Variants in LRPAP1 observed in about 807,000 individuals in gnomAD.
The protein encoded by LRPAP1 is LDL receptor related protein associated protein 1.
A neutral mutation model predicts 39.9 loss-of-function variants in LRPAP1; 41 were observed. That is an observed-to-expected ratio of 1.03 (90% CI 0.80 to 1.33). The LOEUF (loss-of-function observed/expected upper bound fraction) is 1.33, where lower values mean the gene tolerates loss of function less well. Among genes scored for constraint, LRPAP1 ranks in the 40% most tolerant of loss-of-function variants. The pLI, the probability that LRPAP1 is intolerant of heterozygous loss-of-function variation, is 0.00. For synonymous variants in LRPAP1, 263 were observed against 212.7 expected (o/e 1.24, Z -2.06); for missense variants, 565 against 482.3 (o/e 1.17, Z -1.61).
intron 2 of LRPAP1, among the ~76,000 whole-genome samples, chr4:3,524,671 C>T (rs573945659): frequency 6.6e-6 from 1 of 152,234 alleles, no homozygotes; most frequent in African/African-American, 2.4e-5. Context: ...GAGGGTTAGC[C>T]CCCCCAAACA....
In LRPAP1 at chr4:3,525,068, G is replaced by A. The variant is rs1406309510; in HGVS notation, c.205-17C>T. 5.0e-6 allele frequency: 8 copies of A among 1,613,690 alleles called. No homozygotes were observed. Among genetic ancestry groups the A allele is most frequent in the Non-Finnish European group, 6.8e-6 (8 of 1,180,028 alleles). On this transcript the variant is annotated splice_polypyrimidine_tract_variant and intron_variant, in intron 1 of 7. Transcript: ENST00000650182. ...AAGATGCAGCTGCGAACGAAGGGGA[G>A]GAGCCTGTGAGCCACGAGCAGGACG...
chr4:3,524,651 C>G (rs761879827), intron 2 of LRPAP1, among the ~76,000 whole-genome samples: 3 of 152,250 alleles, frequency 2.0e-5, no homozygotes, highest in Non-Finnish European at 4.4e-5. Context: ...GAGCAGCCAC[C>G]ATCCCTCATG....
chr4:3,507,933 A>G lies in LRPAP1; in HGVS notation c.*5041T>C, dbSNP rs1729400219. On this transcript the variant is annotated 3_prime_UTR_variant, in exon 8 of 8. Transcript: ENST00000650182. ...TGAATGATTTATGTAAATTGTTTTG[A>G]TAACTTAGATGAAATTCTGCGACAA... is the stretch of plus-strand genomic sequence containing the variant. 1 of 152,244 alleles carries G rather than the reference A, an allele frequency of 6.6e-6. No individual in the cohort carries two copies. Among genetic ancestry groups the G allele is most frequent in the Non-Finnish European group, 1.5e-5 (1 of 68,042 alleles). The allele number at this position is 152,244 out of a possible 1,614,324, so 9.4% of individuals were successfully genotyped here.
At chr4:3,530,557 G>A (rs1468643233) in intron 1 of LRPAP1, among the ~76,000 whole-genome samples, 2 of 152,242 alleles carry the variant, frequency 1.3e-5, no homozygotes, top group African/African-American at 4.8e-5. Context: ...GTGGAGGTGA[G>A]CAGCTCGCCC....
In LRPAP1 at chr4:3,518,911, G is replaced by A. The variant is rs149133766; in HGVS notation, c.552C>T (p.His184=). 416 of 1,613,648 alleles carry A rather than the reference G, an allele frequency of 2.6e-4. 2 individuals carry two copies. The African/African-American group carries it at 5.0e-3, about 19-fold the overall frequency. ...REFLHHKEKV[H]EYNVLLETLS... ...GGGTCTCCAGCAGGACGTTGTACTC[G>A]TGAACTTTCTCTTTGTGATGCAGGA... Residue 184 remains histidine (H), a synonymous_variant, in exon 4 of 8, where the codon CAC becomes CAT. Coordinates refer to ENST00000650182, the MANE Select transcript of LRPAP1 (RefSeq NM_002337.4).
intron 1 of LRPAP1, among the ~76,000 whole-genome samples, chr4:3,528,671 C>T (rs1389279384): frequency 9.2e-5 from 14 of 152,224 alleles, no homozygotes; most frequent in Admixed American, 2.6e-4. Context: ...CAGGCTGTGG[C>T]GGTGACCAAG....
At chr4:3,517,111 CTACGGCTG>C (rs1037477442) in intron 5 of LRPAP1, among the ~76,000 whole-genome samples, 1 of 73,688 alleles carries the variant, frequency 1.4e-5, no homozygotes, top group African/African-American at 4.3e-5. Context: ...GGCCAAAAGC[CTACGGCTG>C]ACAGTCACCA....
chr4:3,523,631 A>C (rs541657025), intron 2 of LRPAP1, among the ~76,000 whole-genome samples: 2 of 152,336 alleles, frequency 1.3e-5, no homozygotes, highest in South Asian at 4.1e-4. Flanking sequence ...TGAGCCTGTC[A>C]AATGGGACGA....
intron 1 of LRPAP1, among the ~76,000 whole-genome samples, chr4:3,526,521 C>T (rs182064089): frequency 1.4e-3 from 217 of 152,362 alleles, no homozygotes; most frequent in African/African-American, 4.7e-3. Context: ...AACATCCCCA[C>T]GAAGCGTCAA....
intron 6 of LRPAP1, among the ~76,000 whole-genome samples, chr4:3,515,396 C>T (rs763332520): frequency 1.6e-4 from 24 of 152,220 alleles, no homozygotes; most frequent in Non-Finnish European, 2.8e-4. Flanking sequence ...GCCCCATGCA[C>T]GTGCCTGCGG....
chr4:3,531,739 C>T (rs1357640006), intron 1 of LRPAP1, among the ~76,000 whole-genome samples: 1 of 152,266 alleles, frequency 6.6e-6, no homozygotes, highest in Non-Finnish European at 1.5e-5. Context: ...CTCACCTCCT[C>T]ATTTCTCGCT....
chr4:3,527,238 C>T (rs1310741495), intron 1 of LRPAP1, among the ~76,000 whole-genome samples: 2 of 152,118 alleles, frequency 1.3e-5, no homozygotes, highest in Non-Finnish European at 2.9e-5. Context: ...CCAGCCAGCC[C>T]CATCCACCCA....
At chr4:3,515,858 C>A (rs1729676526) in intron 6 of LRPAP1, 2 of 535,572 alleles carry the variant, frequency 3.7e-6, no homozygotes, top group Admixed American at 3.2e-5. Flanking sequence ...AGGACCCGCA[C>A]CAAGGCCACG....
intron 3 of LRPAP1, among the ~76,000 whole-genome samples, chr4:3,519,288 C>T (rs1440041878): frequency 6.6e-6 from 1 of 152,216 alleles, no homozygotes; most frequent in Non-Finnish European, 1.5e-5. Flanking sequence ...TGACCCCGGG[C>T]TTGCCTGGCT....
intron 4 of LRPAP1, 38 bp downstream of exon 4, chr4:3,518,833 T>TGGGGCAG: frequency 2.3e-6 from 2 of 863,228 alleles, no homozygotes; most frequent in Non-Finnish European, 2.9e-6. Context: ...CAGGAGGGGG[T>TGGGGCAG]GGGGCAGAGG....
intron 7 of LRPAP1, among the ~76,000 whole-genome samples, chr4:3,513,410 T>C (rs552912054): frequency 9.2e-5 from 14 of 152,256 alleles, no homozygotes; most frequent in African/African-American, 3.4e-4. Flanking sequence ...CAGGCTCAAG[T>C]GATCCTCCCA....
At chr4:3,529,093 C>T (rs888466204) in intron 1 of LRPAP1, among the ~76,000 whole-genome samples, 2 of 152,014 alleles carry the variant, frequency 1.3e-5, no homozygotes. Context: ...GAGGCAGAGG[C>T]GGGAGGATCA....
At chr4:3,519,977 C>T (rs1173519807) in intron 3 of LRPAP1, 95 bp downstream of exon 3, 3 of 1,470,790 alleles carry the variant, frequency 2.0e-6, no homozygotes, top group East Asian at 2.3e-5. Flanking sequence ...AACCCCGGCT[C>T]CCATGCAGAG....
rs563308575 is a variant in LRPAP1, at chr4:3,508,333, T to C, written c.*4641A>G. ...ATGTCTATTTTTAAAAATCAAGTTC[T>C]TAATGAAAAACCTAAGCAAAAAGAA... On this transcript the variant is annotated 3_prime_UTR_variant, in exon 8 of 8. Transcript: ENST00000650182. The C allele has an allele frequency of 6.6e-6, 1 of 152,282 alleles. No individual in the cohort carries two copies. Among genetic ancestry groups the C allele is most frequent in the African/African-American group, 2.4e-5 (1 of 41,548 alleles). 9.4% of individuals were successfully genotyped at this position (152,282 alleles called of 1,614,324 possible). A position where few individuals can be genotyped will look rare whatever the true frequency, so the allele number is the denominator to read the frequency against.
Sources: gnomAD v4.1 joint callset for allele counts (sites outside exome capture counted in the v4.1 genomes callset) on GRCh38, gnomAD v4.1.1 for gene constraint, MANE v1.5 for transcripts, NCBI Gene and HGNC (gene_info 2026-07-23, HGNC 2026-07-21) for gene names.